Variants in CCPG1 observed in about 807,000 individuals in gnomAD.
CCPG1 encodes cell cycle progression 1, also known as cell cycle progression protein 1.
In CCPG1, 46 loss-of-function variants were observed where a neutral mutation model predicts 81.3. The ratio of observed to expected loss-of-function variants is 0.57; its 90% CI spans 0.45 to 0.72. CCPG1 has a LOEUF of 0.72. CCPG1 is among the 30% of genes least tolerant of loss of function. The pLI is 0.00. For missense variants in CCPG1, 902 were observed against 937.6 expected, an observed-to-expected ratio of 0.96 and a Z score of 0.50; for synonymous variants, 330 against 305.2, an observed-to-expected ratio of 1.08 and a Z score of -0.85.
intron 3 of CCPG1, among the ~76,000 whole-genome samples, chr15:55,380,534 A>G (rs1266262509): frequency 1.3e-5 from 2 of 151,670 alleles, no homozygotes; most frequent in South Asian, 4.2e-4. Flanking sequence ...TGACCCCGTA[A>G]GCCGCCCGCC....
chr15:55,364,870 C>T (rs932326856), intron 7 of CCPG1, among the ~76,000 whole-genome samples: 2 of 152,202 alleles, frequency 1.3e-5, no homozygotes, highest in African/African-American at 4.8e-5. Flanking sequence ...GAGACTCCAT[C>T]TCAAATAAAT....
In CCPG1 at chr15:55,400,708, G is replaced by A. The variant is rs184773190; in HGVS notation, c.-10+7513C>T. ...AGAGTAACAACCATCTTTAATTTCC[G>A]CTCATCTCATGAGCAAAATAATAAA... On this transcript the variant is annotated intron_variant, in intron 1 of 8. Transcript: ENST00000442196. Among the ~76,000 whole-genome samples, 269 of 152,186 alleles carry A rather than the reference G, an allele frequency of 1.8e-3. 3 individuals are homozygous for A. Among genetic ancestry groups the A allele is most frequent in the Non-Finnish European group, 4.0e-4 (27 of 68,004 alleles).
intron 5 of CCPG1, among the ~76,000 whole-genome samples, chr15:55,376,083 G>GT (rs1483058957): frequency 6.6e-6 from 1 of 152,082 alleles, no homozygotes; most frequent in East Asian, 1.9e-4. Flanking sequence ...TTAAAGAATG[G>GT]TAAAATCTAA....
chr15:55,383,313 ATGT>A (rs2056738488), intron 3 of CCPG1, among the ~76,000 whole-genome samples: 1 of 152,210 alleles, frequency 6.6e-6, no homozygotes, highest in Non-Finnish European at 1.5e-5. Context: ...TCAGTAAACC[ATGT>A]TGTAAACACA....
chr15:55,374,964 C>T (rs2056533356), intron 5 of CCPG1, among the ~76,000 whole-genome samples: 1 of 152,152 alleles, frequency 6.6e-6, no homozygotes, highest in African/African-American at 2.4e-5. Flanking sequence ...AGTGCCCGGC[C>T]CCAAAACAAA....
rs770262367 is a variant in CCPG1 at position 55,372,037 on chromosome 15, T to C, written c.462A>G (p.Ser154=). ...YTFCQPETVF[S]SQPSDDESSS... ...TTGATTCATCGTCACTAGGCTGAGA[T>C]GAAAATACTATTAAGAAAAAAGTTG... The change falls in exon 6 of 9, where the codon TCA becomes TCG. Residue 154 remains serine, a synonymous_variant. Coordinates refer to ENST00000442196, the MANE Select transcript of CCPG1 (RefSeq NM_001204450.2). 9.3e-6 allele frequency: 15 copies of C among 1,611,752 alleles called. No homozygotes were observed. In the Admixed American group the frequency reaches 1.0e-4, roughly 11 times the overall value.
chr15:55,374,254 T>C, intron 5 of CCPG1: 1 of 1,284,036 alleles, frequency 7.8e-7, no homozygotes, highest in Non-Finnish European at 1.0e-6. Flanking sequence ...CACCTTTCTT[T>C]TGTGAATAAA....
rs1038098927 is a variant in CCPG1 at position 55,389,110 on chromosome 15, A to G, written c.60+255T>C. Among the ~76,000 whole-genome samples, 15 of 150,898 alleles carry G rather than the reference A, an allele frequency of 9.9e-5. 1 individual carries two copies. Among genetic ancestry groups the G allele is most frequent in the Admixed American group, 7.3e-4 (11 of 15,138 alleles). On this transcript the variant is annotated intron_variant, in intron 2 of 8. Transcript: ENST00000442196. The stretch of plus-strand genomic sequence containing the variant: ...AAAAAGACAAAATTATATGAAAATG[A>G]AAGTAAAGCACAGGGCCTGAACAAT...
Position 55,365,204 on chromosome 15 carries a change from G to A in CCPG1, c.812C>T (p.Ser271Phe), listed in dbSNP as rs2056296716. The change falls in exon 7 of 9, where the codon TCT (serine) becomes TTT (phenylalanine). Residue 271 changes from serine to phenylalanine, a missense_variant. Ser to Phe is a radical substitution (Grantham distance 155). Coordinates refer to ENST00000442196, the MANE Select transcript of CCPG1 (RefSeq NM_001204450.2). ...GGTACATACCTTATAATCTATAAAA[G>A]ATTCTTGTTCCTGTTGACACTGGGA... ...YLSQCQQEQE[S>F]FIDYKSLKEN... 1.4e-6 allele frequency: 2 copies of A among 1,461,056 alleles called. No individual in the cohort carries two copies. Among genetic ancestry groups the A allele is most frequent in the African/African-American group, 2.8e-5 (2 of 70,718 alleles). The allele number at this position is 1,461,056 out of a possible 1,614,324, so 90.5% of individuals were successfully genotyped here. A position where few individuals can be genotyped will look rare whatever the true frequency, so the allele number is the denominator to read the frequency against.
intron 1 of CCPG1, among the ~76,000 whole-genome samples, chr15:55,397,574 G>C (rs1426779812): frequency 6.6e-6 from 1 of 152,176 alleles, no homozygotes; most frequent in Non-Finnish European, 1.5e-5. Flanking sequence ...AGGACTTCCT[G>C]ATGTATTGAA....
At chr15:55,366,850 C>T (rs916092146) in intron 6 of CCPG1, among the ~76,000 whole-genome samples, 2 of 152,176 alleles carry the variant, frequency 1.3e-5, no homozygotes, top group African/African-American at 4.8e-5. Context: ...CTCAGACATG[C>T]TATTCACATG....
chr15:55,358,362 C>G (rs1308963022), intron 8 of CCPG1: 8 of 985,044 alleles, frequency 8.1e-6, no homozygotes, highest in Non-Finnish European at 8.4e-6. Context: ...TAAGGGGGGA[C>G]TACTGTAATC....
At chr15:55,400,299 A>T (rs1166019742) in intron 1 of CCPG1, among the ~76,000 whole-genome samples, 1 of 150,754 alleles carries the variant, frequency 6.6e-6, no homozygotes, top group Non-Finnish European at 1.5e-5. Flanking sequence ...TCACGAGGTC[A>T]TGAGTTCGAG....
intron 4 of CCPG1, among the ~76,000 whole-genome samples, chr15:55,377,726 C>CT (rs578176203): frequency 1.2e-4 from 18 of 152,152 alleles, no homozygotes; most frequent in Non-Finnish European, 1.3e-4. Flanking sequence ...AGCATCCAGC[C>CT]TTTTTTTGCC....
intron 1 of CCPG1, among the ~76,000 whole-genome samples, chr15:55,406,815 T>C (rs1030633979): frequency 2.3e-4 from 35 of 152,246 alleles, no homozygotes; most frequent in African/African-American, 8.4e-4. Flanking sequence ...TTTTCTAAAC[T>C]GTTTTCATCT....
chr15:55,369,106 T>C (rs1215601959), intron 6 of CCPG1, among the ~76,000 whole-genome samples: 2 of 144,112 alleles, frequency 1.4e-5, no homozygotes, highest in Non-Finnish European at 3.0e-5. Flanking sequence ...AGCAAGACTC[T>C]GTCTCAAAAA....
chr15:55,356,360 G>C lies in CCPG1; in HGVS notation c.2284C>G (p.Arg762Gly). 1.3e-6 allele frequency: 2 copies of C among 1,535,060 alleles called. No individual in the cohort carries two copies. The highest frequency in any genetic ancestry group is 2.7e-5 in the African/African-American group (2 of 73,078). ...RMVNIENSRH[R>G]KQEQKHLQPQ... ...TGAAGGTGCTTCTGCTCTTGTTTTCGATGCCTGGAGTTTTCAATATTTACC... is the reference window on the plus strand; with the variant it reads ...TGAAGGTGCTTCTGCTCTTGTTTTCCATGCCTGGAGTTTTCAATATTTACC... Residue 762 changes from arginine (R) to glycine (G), a missense_variant, in exon 9 of 9, where the codon CGA (arginine) becomes GGA (glycine). Physicochemically the swap from Arg to Gly is moderately radical, Grantham distance 125. This residue lies in a region of CCPG1 where 128 missense variants were observed against 161.2 expected (regional missense o/e 0.79). Coordinates refer to ENST00000442196, the MANE Select transcript of CCPG1 (RefSeq NM_001204450.2).
chr15:55,381,742 G>A (rs1170902801), intron 3 of CCPG1, among the ~76,000 whole-genome samples: 22 of 152,290 alleles, frequency 1.4e-4, no homozygotes, highest in Admixed American at 1.4e-3. Flanking sequence ...ATAAGTGTAT[G>A]CAGTAATTGT....
At chr15:55,376,491 T>C (rs2056568604) in intron 5 of CCPG1, among the ~76,000 whole-genome samples, 1 of 152,332 alleles carries the variant, frequency 6.6e-6, no homozygotes, top group African/African-American at 2.4e-5. Context: ...TGAACTCTGT[T>C]TCACATATGG....
Sources: gnomAD v4.1 joint callset for allele counts (sites outside exome capture counted in the v4.1 genomes callset) on GRCh38, gnomAD v4.1.1 for gene constraint, gnomAD v4.1.1 regional missense constraint, MANE v1.5 for transcripts, NCBI Gene and HGNC (gene_info 2026-07-23, HGNC 2026-07-21) for gene names.